Variants in KCNU1 observed in about 807,000 individuals in gnomAD.
The protein encoded by KCNU1 is potassium calcium-activated channel subfamily U member 1.
Under a neutral mutation model 126.8 loss-of-function variants are expected in KCNU1, and 93 were observed. The ratio of observed to expected loss-of-function variants is 0.73; its 90% CI spans 0.62 to 0.87. The LOEUF (loss-of-function observed/expected upper bound fraction) is 0.87. Among genes scored for constraint, KCNU1 ranks in the 40% least tolerant of loss-of-function variants. KCNU1 has a pLI of 0.00. For synonymous variants in KCNU1, 523 were observed against 494.2 expected (o/e 1.06, Z -0.77); for missense variants, 1,330 against 1,367.1 (o/e 0.97, Z 0.43).
intron 10 of KCNU1, among the ~76,000 whole-genome samples, chr8:36,820,531 A>G (rs919542176): frequency 1.3e-5 from 2 of 152,168 alleles, no homozygotes; most frequent in Admixed American, 6.6e-5. Flanking sequence ...ACCTAATGAA[A>G]TTGTGAAGCT....
chr8:36,892,312 T>C (rs1043274071), intron 19 of KCNU1, among the ~76,000 whole-genome samples: 3 of 152,168 alleles, frequency 2.0e-5, no homozygotes, highest in African/African-American at 7.2e-5. Flanking sequence ...ATTTGTTTTT[T>C]TCTTATAATC....
intron 10 of KCNU1, among the ~76,000 whole-genome samples, chr8:36,830,269 A>T (rs954099889): frequency 6.6e-6 from 1 of 151,664 alleles, no homozygotes; most frequent in Admixed American, 6.6e-5. Flanking sequence ...AAGAGCAGTG[A>T]TGATATCTTT....
At chr8:36,846,765 C>T (rs889456234) in intron 18 of KCNU1, among the ~76,000 whole-genome samples, 1 of 149,130 alleles carries the variant, frequency 6.7e-6, no homozygotes. Flanking sequence ...CATACCACTG[C>T]ACTCCAGCCT....
chr8:36,847,597 G>A (rs1421104489), intron 18 of KCNU1, among the ~76,000 whole-genome samples: 1 of 152,234 alleles, frequency 6.6e-6, no homozygotes, highest in East Asian at 1.9e-4. Flanking sequence ...TGAACATGTG[G>A]TGAACCTAAT....
chr8:36,916,341 G>T, intron 22 of KCNU1, among the ~76,000 whole-genome samples: 1 of 148,662 alleles, frequency 6.7e-6, no homozygotes, highest in Admixed American at 6.7e-5. Flanking sequence ...GAAGGGAAAG[G>T]AAAGGAAGAA....
At position 36,804,019 on chromosome 8, in the gene KCNU1, A is replaced by C; in HGVS notation, c.316-8A>C. ...ATTTAGACATTTGTCCCTGTTTTTCATTTTCAGGTGATCCTTGTCTTTGTA... is the reference window on the plus strand; with the variant it reads ...ATTTAGACATTTGTCCCTGTTTTTCCTTTTCAGGTGATCCTTGTCTTTGTA... On this transcript the variant is annotated splice_polypyrimidine_tract_variant and splice_region_variant and intron_variant, in intron 2 of 26. Transcript: ENST00000399881. The C allele has an allele frequency of 6.5e-7, 1 of 1,545,864 alleles. No homozygotes were observed. Among genetic ancestry groups the C allele is most frequent in the Non-Finnish European group, 8.8e-7 (1 of 1,138,826 alleles).
chr8:36,933,980 C>A (rs565759017), intron 26 of KCNU1, among the ~76,000 whole-genome samples: 1 of 152,016 alleles, frequency 6.6e-6, no homozygotes, highest in Non-Finnish European at 1.5e-5. Flanking sequence ...AGGAGGCTTA[C>A]TGTGGATTTG....
intron 10 of KCNU1, among the ~76,000 whole-genome samples, chr8:36,830,075 CTTTAT>C (rs920343369): frequency 2.0e-5 from 3 of 148,928 alleles, no homozygotes; most frequent in Admixed American, 6.7e-5. Context: ...AACAATTTAT[CTTTAT>C]TTTATCTTTG....
Position 36,922,599 on chromosome 8 carries a change from C to T in KCNU1, c.2706C>T (p.Ser902=), listed in dbSNP as rs186727015. ...STAFSTGTVF[S]GSFLDSLLAT... is the part of the protein sequence containing the mutation. ...CCTTTTCTACGGGCACTGTTTTTTC[C>T]GGCAGCTTCTTGGATTCTCTGCTGG... Residue 902 remains serine (S), a synonymous_variant, in exon 24 of 27, where the codon TCC becomes TCT. Transcript: ENST00000399881. The T allele has an allele frequency of 3.6e-4, 583 of 1,613,446 alleles. 2 individuals carry two copies. The highest frequency in any genetic ancestry group is 1.1e-3 in the Admixed American group (63 of 59,948).
chr8:36,835,146 A>T (rs936477114), intron 12 of KCNU1, among the ~76,000 whole-genome samples: 1 of 152,200 alleles, frequency 6.6e-6, no homozygotes, highest in African/African-American at 2.4e-5. Context: ...AAGCAAGCAT[A>T]CAAATAACTG....
At chr8:36,884,723 G>A (rs1260653112) in intron 19 of KCNU1, among the ~76,000 whole-genome samples, 1 of 151,740 alleles carries the variant, frequency 6.6e-6, no homozygotes, top group Non-Finnish European at 1.5e-5. Context: ...CAGAGCCTGG[G>A]TAACAGAGTG....
At chr8:36,925,754 T>A (rs1038516091) in intron 24 of KCNU1, among the ~76,000 whole-genome samples, 9 of 152,130 alleles carry the variant, frequency 5.9e-5, no homozygotes, top group African/African-American at 1.7e-4. Context: ...GAAGAGAACA[T>A]TTACCACCTT....
At position 36,928,647 on chromosome 8, in the gene KCNU1, G is replaced by A. The variant is rs12546417; in HGVS notation, c.2737-2304G>A. Among the ~76,000 whole-genome samples the A allele has an allele frequency of 7.4e-3, 1,119 of 152,028 alleles. 53 individuals are homozygous for A. The highest frequency in any genetic ancestry group is 0.06 in the Admixed American group (913 of 15,266). On this transcript the variant is annotated intron_variant, in intron 24 of 26. Transcript: ENST00000399881. ...TTTCTTGTCAACTTATCCCAATCAC[G>A]CCTACATTTTACCAGCAATATTTAT... is the stretch of plus-strand genomic sequence containing the variant.
At chr8:36,895,369 G>A (rs1023963210) in intron 19 of KCNU1, among the ~76,000 whole-genome samples, 22 of 152,054 alleles carry the variant, frequency 1.4e-4, no homozygotes, top group Non-Finnish European at 3.2e-4. Flanking sequence ...ATGAGCCACT[G>A]TACCTGGCCT....
intron 11 of KCNU1, 107 bp downstream of exon 11, chr8:36,833,766 G>T: frequency 1.6e-6 from 1 of 619,370 alleles, no homozygotes; most frequent in South Asian, 2.2e-5. Flanking sequence ...TTCTTTAATT[G>T]GTGGAAAATA....
intron 19 of KCNU1, among the ~76,000 whole-genome samples, chr8:36,900,967 C>T (rs182433411): frequency 1.3e-5 from 2 of 151,882 alleles, no homozygotes; most frequent in South Asian, 2.1e-4. Context: ...CCAGAAAACT[C>T]TCTTAAGAAT....
intron 9 of KCNU1, among the ~76,000 whole-genome samples, chr8:36,816,607 T>A (rs1231246685): frequency 6.6e-6 from 1 of 152,108 alleles, no homozygotes; most frequent in Non-Finnish European, 1.5e-5. Flanking sequence ...AGGAAAGGCC[T>A]ATGGGGCACA....
Position 36,809,654 on chromosome 8 carries a change from A to G in KCNU1, c.732+861A>G, listed in dbSNP as rs1236140698. Reference sequence around the variant, plus strand: ...GATTTTCCTGAAGTGTCACAGCAGTAAAGGCTGATTCCTAGATTTAGAGAA... The same window carrying G: ...GATTTTCCTGAAGTGTCACAGCAGTGAAGGCTGATTCCTAGATTTAGAGAA... On this transcript the variant is annotated intron_variant, in intron 7 of 26. Coordinates refer to ENST00000399881, the MANE Select transcript of KCNU1 (RefSeq NM_001031836.3). Among the ~76,000 whole-genome samples the G allele has an allele frequency of 3.3e-5, 5 of 152,206 alleles. No homozygotes were observed. The East Asian group carries it at 9.6e-4, about 29-fold the overall frequency.
intron 18 of KCNU1, among the ~76,000 whole-genome samples, chr8:36,858,489 A>C (rs1343264729): frequency 6.6e-6 from 1 of 152,162 alleles, no homozygotes; most frequent in Non-Finnish European, 1.5e-5. Context: ...CTCACTATAC[A>C]TGTCATCCTA....
Sources: allele counts gnomAD v4.1 joint callset (sites outside exome capture counted in the v4.1 genomes callset), GRCh38; gene constraint gnomAD v4.1.1; transcripts MANE v1.5; gene names NCBI Gene and HGNC (gene_info 2026-07-23, HGNC 2026-07-21).